GPC6: variants seen among roughly 807,000 people sequenced by gnomAD.
GPC6 encodes glypican-6.
Under a neutral mutation model 55.2 loss-of-function variants are expected in GPC6, and 14 were observed. That is an observed-to-expected ratio of 0.25 (90% CI 0.17 to 0.40). The LOEUF is 0.40. Ranked by LOEUF, GPC6 falls within the 10% of genes least tolerant of loss-of-function variation. The pLI, the probability that GPC6 is intolerant of heterozygous loss-of-function variation, is 1.00. For missense variants in GPC6, 641 were observed against 708.5 expected (o/e 0.90, Z 1.08); for synonymous variants, 278 against 259.6 (o/e 1.07, Z -0.68).
intron 2 of GPC6, among the ~76,000 whole-genome samples, chr13:93,663,267 T>C (rs934370593): frequency 6.6e-6 from 1 of 152,182 alleles, no homozygotes; most frequent in Non-Finnish European, 1.5e-5. Context: ...TCACTGGACC[T>C]TATCATATAA....
At chr13:93,276,996 T>C (rs1877777755) in intron 1 of GPC6, among the ~76,000 whole-genome samples, 1 of 152,188 alleles carries the variant, frequency 6.6e-6, no homozygotes, top group African/African-American at 2.4e-5. Flanking sequence ...TCAATGCTTC[T>C]AAAATAGTCA....
chr13:94,063,047 G>C (rs1884388600), intron 4 of GPC6, among the ~76,000 whole-genome samples: 1 of 152,162 alleles, frequency 6.6e-6, no homozygotes, highest in Non-Finnish European at 1.5e-5. Flanking sequence ...TGTGAGGTTT[G>C]GCCCACTGGT....
At chr13:94,277,967 G>A (rs1447852847) in intron 4 of GPC6, among the ~76,000 whole-genome samples, 3 of 152,118 alleles carry the variant, frequency 2.0e-5, no homozygotes, top group South Asian at 2.1e-4. Context: ...TCCTAATTTT[G>A]TGAAGAATGT....
At chr13:93,310,938 A>G (rs902615527) in intron 1 of GPC6, among the ~76,000 whole-genome samples, 1 of 152,230 alleles carries the variant, frequency 6.6e-6, no homozygotes, top group Non-Finnish European at 1.5e-5. Context: ...AAATCCTTTT[A>G]CAGTTTATAC....
At chr13:94,157,174 T>G (rs569758987) in intron 4 of GPC6, among the ~76,000 whole-genome samples, 2 of 152,292 alleles carry the variant, frequency 1.3e-5, no homozygotes, top group Non-Finnish European at 2.9e-5. Context: ...TGATTTTACC[T>G]GCCTGGGCCT....
intron 2 of GPC6, among the ~76,000 whole-genome samples, chr13:93,706,724 T>C (rs1001865249): frequency 6.6e-6 from 1 of 151,882 alleles, no homozygotes; most frequent in African/African-American, 2.4e-5. Context: ...ATCCATTCAA[T>C]AGTTTAATAA....
Position 93,568,346 on chromosome 13 carries a change from G to A in GPC6, c.319+22925G>A, listed in dbSNP as rs144794999. ...AATTGTTATGTTCAGGCATGCTCTCGGTCCCACAAAACTTTTGATTTTGAT... is the reference window on the plus strand; with the variant it reads ...AATTGTTATGTTCAGGCATGCTCTCAGTCCCACAAAACTTTTGATTTTGAT... On this transcript the variant is annotated intron_variant, in intron 2 of 8. Coordinates refer to ENST00000377047, the MANE Select transcript of GPC6 (RefSeq NM_005708.5). 5.9e-5 allele frequency among the ~76,000 whole-genome samples: 9 copies of A among 152,132 alleles called. No homozygotes were observed. The East Asian group carries it at 1.4e-3, about 23-fold the overall frequency.
chr13:93,320,054 T>A (rs2139121244), intron 1 of GPC6, among the ~76,000 whole-genome samples: 1 of 152,170 alleles, frequency 6.6e-6, no homozygotes, highest in South Asian at 2.1e-4. Flanking sequence ...ATACTGAAAG[T>A]GATTTTAATG....
At chr13:94,289,068 T>G (rs1290095350) in intron 5 of GPC6, among the ~76,000 whole-genome samples, 1 of 150,458 alleles carries the variant, frequency 6.6e-6, no homozygotes, top group African/African-American at 2.4e-5. Context: ...CCCAGCTGTG[T>G]AGCTAGAACA....
At chr13:94,234,967 T>C (rs1240616873) in intron 4 of GPC6, among the ~76,000 whole-genome samples, 2 of 152,058 alleles carry the variant, frequency 1.3e-5, no homozygotes, top group African/African-American at 2.4e-5. Flanking sequence ...AAAAGGGAAA[T>C]GAGTTGTTCA....
At chr13:93,325,807 T>G (rs755737761) in intron 1 of GPC6, among the ~76,000 whole-genome samples, 1 of 152,078 alleles carries the variant, frequency 6.6e-6, no homozygotes, top group African/African-American at 2.4e-5. Context: ...TGTATCCATC[T>G]GGTAGTAATA....
At chr13:94,064,649 A>C (rs756790130) in intron 4 of GPC6, among the ~76,000 whole-genome samples, 3 of 152,062 alleles carry the variant, frequency 2.0e-5, no homozygotes, top group Non-Finnish European at 2.9e-5. Flanking sequence ...CCTCACCAGA[A>C]CCTTTGAATG....
At chr13:93,881,662 A>G (rs1566584105) in intron 3 of GPC6, among the ~76,000 whole-genome samples, 1 of 152,068 alleles carries the variant, frequency 6.6e-6, no homozygotes, top group Non-Finnish European at 1.5e-5. Flanking sequence ...ACCCATGCAT[A>G]TGTAATACTT....
chr13:93,552,929 T>G (rs564961258), intron 2 of GPC6, among the ~76,000 whole-genome samples: 1 of 152,354 alleles, frequency 6.6e-6, no homozygotes, highest in East Asian at 1.9e-4. Context: ...AGAGAAAACT[T>G]ATTTTCTTAT....
At chr13:94,382,848 A>G (rs1233587641) in intron 7 of GPC6, among the ~76,000 whole-genome samples, 1 of 152,214 alleles carries the variant, frequency 6.6e-6, no homozygotes. Context: ...GAGCCCTTTC[A>G]TGTTCACTTA....
intron 1 of GPC6, among the ~76,000 whole-genome samples, chr13:93,362,627 T>C (rs764654718): frequency 6.6e-6 from 1 of 152,080 alleles, no homozygotes. Flanking sequence ...TGGAGTTAGA[T>C]TGACTGAACT....
chr13:93,681,644 G>C (rs1057449708), intron 2 of GPC6, among the ~76,000 whole-genome samples: 1 of 152,018 alleles, frequency 6.6e-6, no homozygotes, highest in Admixed American at 6.6e-5. Context: ...ATTGATATTT[G>C]GTTATTTATC....
chr13:93,368,107 GT>G (rs1055599310), intron 1 of GPC6, among the ~76,000 whole-genome samples: 1 of 151,938 alleles, frequency 6.6e-6, no homozygotes, highest in Non-Finnish European at 1.5e-5. Context: ...TTGTAGCTCT[GT>G]TTTTTGTTGC....
At chr13:93,703,628 T>C (rs143479366) in intron 2 of GPC6, among the ~76,000 whole-genome samples, 1 of 152,084 alleles carries the variant, frequency 6.6e-6, no homozygotes, top group East Asian at 1.9e-4. Flanking sequence ...CAAAAGATTT[T>C]AGTCCACCCC....
Sources: gnomAD v4.1 joint callset for allele counts (sites outside exome capture counted in the v4.1 genomes callset) on GRCh38, gnomAD v4.1.1 for gene constraint, MANE v1.5 for transcripts, NCBI Gene and HGNC (gene_info 2026-07-23, HGNC 2026-07-21) for gene names.